Variants in R3HDM1 observed in about 807,000 individuals in gnomAD.
R3HDM1 encodes R3H domain-containing protein 1.
R3HDM1 carries 46 observed loss-of-function variants against 141.1 expected under a neutral mutation model. The observed-to-expected ratio is 0.33, with a 90% CI of 0.26 to 0.42. The LOEUF (loss-of-function observed/expected upper bound fraction) is 0.42, where lower values mean the gene tolerates loss of function less well. Among genes scored for constraint, R3HDM1 ranks in the 10% least tolerant of loss-of-function variants. The pLI, the probability that R3HDM1 is intolerant of heterozygous loss-of-function variation, is 1.00. For synonymous variants in R3HDM1, 435 were observed against 472.9 expected, an observed-to-expected ratio of 0.92 and a Z score of 1.04; for missense variants, 1,184 against 1,368.3, an observed-to-expected ratio of 0.87 and a Z score of 2.12.
At chr2:135,572,790 ATG>A (rs1704438962) in intron 1 of R3HDM1, among the ~76,000 whole-genome samples, 1 of 152,244 alleles carries the variant, frequency 6.6e-6, no homozygotes, top group Non-Finnish European at 1.5e-5. Context: ...GATAAACAAA[ATG>A]TGTATCCATG....
intron 5 of R3HDM1, chr2:135,620,490 A>G: frequency 4.1e-6 from 4 of 982,570 alleles, no homozygotes; most frequent in Non-Finnish European, 4.8e-6. Flanking sequence ...GCCAGTGTGC[A>G]TCATTTACCC....
chr2:135,604,717 AT>A (rs1487294723), intron 2 of R3HDM1, 88 bp from the exon 3 acceptor site: 2 of 1,023,914 alleles, frequency 2.0e-6, no homozygotes, highest in Middle Eastern at 3.1e-4. Context: ...ATTCAACATT[AT>A]TTCTGGAACA....
intron 15 of R3HDM1, among the ~76,000 whole-genome samples, chr2:135,643,762 C>T (rs1357356532): frequency 2.0e-5 from 3 of 152,120 alleles, no homozygotes; most frequent in Non-Finnish European, 4.4e-5. Flanking sequence ...ACATATACAC[C>T]ATTAAATACT....
At chr2:135,607,283 G>A (rs2060159639) in intron 3 of R3HDM1, 16 of 985,108 alleles carry the variant, frequency 1.6e-5, no homozygotes, top group Non-Finnish European at 1.9e-5. Context: ...CACCGCTGCT[G>A]GCCAAGAAAC....
chr2:135,638,414 G>T (rs1574583428), intron 11 of R3HDM1, among the ~76,000 whole-genome samples: 2 of 152,106 alleles, frequency 1.3e-5, no homozygotes, highest in Non-Finnish European at 2.9e-5. Flanking sequence ...ATAGTTTCAA[G>T]ATATGTATAT....
chr2:135,684,822 G>T (rs2071055188), intron 21 of R3HDM1, among the ~76,000 whole-genome samples: 1 of 151,988 alleles, frequency 6.6e-6, no homozygotes, highest in Admixed American at 6.6e-5. Context: ...GAGGGCAGTG[G>T]CATGATCATG....
intron 17 of R3HDM1, 65 bp downstream of exon 17, chr2:135,650,068 G>C: frequency 8.9e-7 from 1 of 1,118,936 alleles, no homozygotes; most frequent in South Asian, 2.2e-5. Flanking sequence ...ATGCTCAAGA[G>C]TGTCATTAAT....
intron 8 of R3HDM1, 37 bp from the exon 9 acceptor site, chr2:135,631,824 C>T (rs373898753): frequency 1.3e-5 from 21 of 1,592,720 alleles, no homozygotes; most frequent in Non-Finnish European, 1.8e-5. Context: ...TCACCATTCT[C>T]CTTGACTTAC....
In R3HDM1 at chr2:135,675,340, G is replaced by A; in HGVS notation, c.2161G>A (p.Val721Ile). The change falls in exon 20 of 27, where the codon GTT becomes ATT. Residue 721 changes from valine to isoleucine, a missense_variant. This residue lies in a region of R3HDM1 where 563 missense variants were observed against 562.0 expected (regional missense o/e 1.00). Coordinates refer to ENST00000683871, the MANE Select transcript of R3HDM1 (RefSeq NM_001378107.1). ...PQPAQQTGYQ[V>I]IPNQQQNYQG... ...TCATTGTACCATTACAGGTTATCAAGTTATACCCAACCAGCAGCAAAACTA... is the reference window on the plus strand; with the variant it reads ...TCATTGTACCATTACAGGTTATCAAATTATACCCAACCAGCAGCAAAACTA... 1 of 1,613,684 alleles carries A rather than the reference G, an allele frequency of 6.2e-7. No homozygotes were observed. Among genetic ancestry groups the A allele is most frequent in the Non-Finnish European group, 8.5e-7 (1 of 1,179,774 alleles).
At chr2:135,607,021 G>A (rs151127187) in intron 3 of R3HDM1, among the ~76,000 whole-genome samples, 6,139 of 151,406 alleles carry the variant, frequency 0.041, 488 homozygotes, top group East Asian at 0.36. Flanking sequence ...ACAGAGTCTC[G>A]CTCTGTCACC....
chr2:135,586,746 A>AC (rs1708018688), intron 1 of R3HDM1: 1 of 984,660 alleles, frequency 1.0e-6, no homozygotes. Flanking sequence ...TCTTCTCCCC[A>AC]CCCCTCACAT....
intron 1 of R3HDM1, among the ~76,000 whole-genome samples, chr2:135,583,074 C>T (rs1333445993): frequency 1.3e-5 from 2 of 152,162 alleles, no homozygotes; most frequent in African/African-American, 4.8e-5. Flanking sequence ...TTTTATCACA[C>T]CCAAGAAATT....
intron 1 of R3HDM1, among the ~76,000 whole-genome samples, chr2:135,560,570 C>G (rs1356879875): frequency 6.6e-6 from 1 of 152,124 alleles, no homozygotes; most frequent in East Asian, 1.9e-4. Context: ...CCTCAGCTTC[C>G]CAAAGTGCTG....
At chr2:135,550,096 T>C in intron 1 of R3HDM1, 1 of 984,874 alleles carries the variant, frequency 1.0e-6, no homozygotes, top group Non-Finnish European at 1.2e-6. Context: ...GCTGAAGTTT[T>C]GTTAAGTCCA....
chr2:135,650,443 T>G, intron 17 of R3HDM1: 1 of 983,002 alleles, frequency 1.0e-6, no homozygotes, highest in Non-Finnish European at 1.2e-6. Flanking sequence ...TCTAAGTATA[T>G]TTTCTAAGAA....
chr2:135,671,840 G>A (rs1245600982), intron 19 of R3HDM1, among the ~76,000 whole-genome samples: 1 of 151,966 alleles, frequency 6.6e-6, no homozygotes, highest in Non-Finnish European at 1.5e-5. Context: ...GCCAGGCATG[G>A]TGGCACACGC....
chr2:135,536,300 C>T (rs1053091865), intron 1 of R3HDM1, among the ~76,000 whole-genome samples: 1 of 152,168 alleles, frequency 6.6e-6, no homozygotes, highest in African/African-American at 2.4e-5. Flanking sequence ...ACTAGGACTA[C>T]AGGCATATGG....
At chr2:135,650,277 G>C (rs2065012133) in intron 17 of R3HDM1, 2 of 985,292 alleles carry the variant, frequency 2.0e-6, no homozygotes, top group Non-Finnish European at 2.4e-6. Context: ...AGATGTTTTA[G>C]CAACTTTCTC....
chr2:135,635,223 A>G (rs1348921892), intron 9 of R3HDM1, among the ~76,000 whole-genome samples: 1 of 152,224 alleles, frequency 6.6e-6, no homozygotes, highest in East Asian at 1.9e-4. Flanking sequence ...ATTGAATGAC[A>G]AAATATTTTA....
Sources: allele counts gnomAD v4.1 joint callset (sites outside exome capture counted in the v4.1 genomes callset), GRCh38; gene constraint gnomAD v4.1.1; regional missense constraint gnomAD v4.1.1; transcripts MANE v1.5; gene names NCBI Gene and HGNC (gene_info 2026-07-23, HGNC 2026-07-21).